Variants in RBP2 observed in about 807,000 individuals in gnomAD.
RBP2 encodes retinol binding protein 2.
RBP2 carries 17 observed loss-of-function variants against 17.0 expected under a neutral mutation model. The ratio of observed to expected loss-of-function variants is 1.00; its 90% confidence interval spans 0.68 to 1.50. RBP2 has a LOEUF of 1.50. RBP2 is among the 40% of genes most tolerant of loss of function. The pLI is 0.00. For synonymous variants in RBP2, 48 were observed against 57.1 expected, an observed-to-expected ratio of 0.84 and a Z score of 0.72; for missense variants, 158 against 168.2, an observed-to-expected ratio of 0.94 and a Z score of 0.33.
Position 139,453,058 on chromosome 3 carries a change from T to G in RBP2, c.*58A>C, listed in dbSNP as rs1943339129. On this transcript the variant is annotated 3_prime_UTR_variant, in exon 4 of 4. Transcript: ENST00000232217. Reference sequence around the variant, plus strand: ...CCCCACAGCTGTTTCTCAAAGCCAGTAGACCACTCAGTGTGGGCAGTGGGG... The same window carrying G: ...CCCCACAGCTGTTTCTCAAAGCCAGGAGACCACTCAGTGTGGGCAGTGGGG... The G allele has an allele frequency of 6.3e-7, 1 of 1,599,054 alleles. No individual in the cohort carries two copies. The highest frequency in any genetic ancestry group is 8.6e-7 in the Non-Finnish European group (1 of 1,166,244).
At chr3:139,459,882 G>A (rs562998887) in intron 2 of RBP2, among the ~76,000 whole-genome samples, 48 of 152,108 alleles carry the variant, frequency 3.2e-4, no homozygotes, top group African/African-American at 1.2e-3. Flanking sequence ...TCTAGTGAAG[G>A]CAAAGAGGAG....
chr3:139,457,393 A>T (rs147281393), intron 2 of RBP2, among the ~76,000 whole-genome samples: 2 of 152,276 alleles, frequency 1.3e-5, no homozygotes, highest in African/African-American at 4.8e-5. Flanking sequence ...CTAGCTACTG[A>T]CTTAGCCCTG....
chr3:139,465,962 T>C (rs1255015741), intron 1 of RBP2, among the ~76,000 whole-genome samples: 1 of 152,128 alleles, frequency 6.6e-6, no homozygotes, highest in African/African-American at 2.4e-5. Context: ...TTCTGTGAAT[T>C]CCTCTAGTCT....
At chr3:139,466,197 C>T (rs1933358286) in intron 1 of RBP2, among the ~76,000 whole-genome samples, 1 of 152,130 alleles carries the variant, frequency 6.6e-6, no homozygotes, top group Non-Finnish European at 1.5e-5. Context: ...GTAGAGGATG[C>T]ACCTTTTCAA....
At position 139,453,002 on chromosome 3, in the gene RBP2, C is replaced by T; in HGVS notation, c.*114G>A. On this transcript the variant is annotated 3_prime_UTR_variant, in exon 4 of 4. Coordinates refer to ENST00000232217, the MANE Select transcript of RBP2 (RefSeq NM_004164.3). Reference sequence around the variant, plus strand: ...TTCTGTTTAAAACCCACCCAGATGCCTTAATGGGGCTCTGTCAAGAGTGGG... The same window carrying T: ...TTCTGTTTAAAACCCACCCAGATGCTTTAATGGGGCTCTGTCAAGAGTGGG... 2.5e-6 allele frequency: 3 copies of T among 1,219,460 alleles called. No homozygotes were observed. The highest frequency in any genetic ancestry group is 3.6e-6 in the Non-Finnish European group (3 of 826,726). 75.5% of individuals were successfully genotyped at this position (1,219,460 alleles called of 1,614,324 possible).
Position 139,476,470 on chromosome 3 carries a change from A to G in RBP2, c.-11T>C, listed in dbSNP as rs1177094233. 2.5e-6 allele frequency: 4 copies of G among 1,613,708 alleles called. No individual in the cohort carries two copies. Among genetic ancestry groups the G allele is most frequent in the Admixed American group, 3.3e-5 (2 of 59,992 alleles). ...CTGGTCCCTTGTCATGGTGGTGGCC[A>G]CTGGTTCGGTGAGGGTTTGTGGTGG... On this transcript the variant is annotated 5_prime_UTR_variant, in exon 1 of 4. Transcript: ENST00000232217.
intron 1 of RBP2, among the ~76,000 whole-genome samples, chr3:139,470,548 CAGCA>C: frequency 6.6e-6 from 1 of 151,818 alleles, no homozygotes; most frequent in African/African-American, 2.4e-5. Context: ...TTTGTCTTCC[CAGCA>C]TAAGGCTGGT....
At chr3:139,469,523 A>G (rs577318900) in intron 1 of RBP2, among the ~76,000 whole-genome samples, 135 of 152,178 alleles carry the variant, frequency 8.9e-4, no homozygotes, top group African/African-American at 3.1e-3. Context: ...ATCCCTCAGC[A>G]TTTCCCCTTT....
rs1943340924 is a variant in RBP2 at position 139,453,146 on chromosome 3, C to A, written c.375G>T (p.Gln125His). The A allele has an allele frequency of 1.2e-6, 2 of 1,614,050 alleles. No individual in the cohort carries two copies. The highest frequency in any genetic ancestry group is 3.3e-5 in the Admixed American group (2 of 60,000). The change falls in exon 4 of 4, where the codon CAG becomes CAT. Residue 125 changes from glutamine (Q) to histidine (H), a missense_variant. Transcript: ENST00000232217. ...TCTTTTTGAACACTTGACGGCACAC[C>A]TGGTCACCACAGGTCAGCTCCTGCA... ...KLYLELTCGD[Q>H]VCRQVFKKK
chr3:139,453,293 T>G (rs1943343299), intron 3 of RBP2, 127 bp from the exon 4 acceptor site: 1 of 989,594 alleles, frequency 1.0e-6, no homozygotes. Context: ...CTGGGCAAAG[T>G]GCATCTCACA....
chr3:139,474,775 T>A (rs964267621), intron 1 of RBP2, among the ~76,000 whole-genome samples: 2 of 152,178 alleles, frequency 1.3e-5, no homozygotes, highest in African/African-American at 2.4e-5. Context: ...CTGCTTTGGT[T>A]TCCTTATCTG....
At chr3:139,456,664 G>A (rs930438560) in intron 2 of RBP2, among the ~76,000 whole-genome samples, 1 of 152,224 alleles carries the variant, frequency 6.6e-6, no homozygotes, top group African/African-American at 2.4e-5. Flanking sequence ...ACCCTTACTA[G>A]TGATTGTCCC....
intron 3 of RBP2, among the ~76,000 whole-genome samples, 181 bp from the exon 4 acceptor site, chr3:139,453,347 T>G (rs559058061): frequency 6.6e-6 from 1 of 152,314 alleles, no homozygotes; most frequent in African/African-American, 2.4e-5. Flanking sequence ...GTAATTTGAT[T>G]TTGACACTTG....
intron 2 of RBP2, among the ~76,000 whole-genome samples, chr3:139,455,602 G>T (rs1943381217): frequency 6.6e-6 from 1 of 152,128 alleles, no homozygotes; most frequent in Non-Finnish European, 1.5e-5. Context: ...TTCTGACCTA[G>T]AAATTCTACT....
At chr3:139,462,558 A>AACACACACACACACACACAC (rs59601422) in intron 1 of RBP2, among the ~76,000 whole-genome samples, 3,224 of 121,252 alleles carry the variant, frequency 0.027, 129 homozygotes, top group African/African-American at 0.037. Flanking sequence ...GCAGCTCCCC[A>AACACACACACACACACACAC]ACACACACAC....
At chr3:139,476,299 G>A in intron 1 of RBP2, 88 bp downstream of exon 1, 3 of 1,106,172 alleles carry the variant, frequency 2.7e-6, no homozygotes, top group Non-Finnish European at 4.1e-6. Flanking sequence ...CCACAGGTCT[G>A]TTGAACTCCA....
chr3:139,465,479 A>G (rs1413743159), intron 1 of RBP2, among the ~76,000 whole-genome samples: 1 of 152,130 alleles, frequency 6.6e-6, no homozygotes, highest in Non-Finnish European at 1.5e-5. Flanking sequence ...AAGTTGTGTC[A>G]CTTTCCCTGG....
chr3:139,456,614 G>A (rs1228708073), intron 2 of RBP2, among the ~76,000 whole-genome samples: 1 of 152,172 alleles, frequency 6.6e-6, no homozygotes. Context: ...ATGCATGCAT[G>A]CATATGTCTG....
intron 2 of RBP2, among the ~76,000 whole-genome samples, chr3:139,455,892 G>A (rs926697427): frequency 2.0e-5 from 3 of 152,202 alleles, no homozygotes; most frequent in Non-Finnish European, 4.4e-5. Context: ...TGAATCCCAA[G>A]AGTGCTCAAA....
Sources: gnomAD v4.1 joint callset for allele counts (sites outside exome capture counted in the v4.1 genomes callset) on GRCh38, gnomAD v4.1.1 for gene constraint, MANE v1.5 for transcripts, NCBI Gene and HGNC (gene_info 2026-07-23, HGNC 2026-07-21) for gene names.